The following HEYL variants were observed in gnomAD, a reference collection of about 807,000 sequenced individuals.
HEYL encodes the protein hes related family bHLH transcription factor with YRPW motif like.
HEYL carries 12 observed loss-of-function variants against 18.6 expected under a neutral mutation model. The ratio of observed to expected loss-of-function variants is 0.65; its 90% confidence interval spans 0.41 to 1.05. The LOEUF (loss-of-function observed/expected upper bound fraction) is 1.05, where lower values mean the gene tolerates loss of function less well. HEYL is among the 50% of genes least tolerant of loss of function. The pLI is 0.00. For synonymous variants in HEYL, 159 were observed against 179.6 expected, an observed-to-expected ratio of 0.89 and a Z score of 0.91; for missense variants, 420 against 444.7, an observed-to-expected ratio of 0.94 and a Z score of 0.50.
At chr1:39,630,184 ATTTG>A (rs1247053080) in intron 4 of HEYL, 39 bp downstream of exon 4, 1 of 1,560,368 alleles carries the variant, frequency 6.4e-7, no homozygotes, top group Non-Finnish European at 8.8e-7. Flanking sequence ...GCCTCAAAAT[ATTTG>A]TTGTATGAAT....
Position 39,628,637 on chromosome 1 carries a change from G to A in HEYL, c.314-1457C>T, listed in dbSNP as rs146415130. ...TTTTGAGACGGAGTCTCGCTCTGTC[G>A]CCCAGGCTAGAGTGCAGTGGTGCGA... On this transcript the variant is annotated intron_variant, in intron 4 of 4. Transcript: ENST00000372852. 2.3e-3 allele frequency among the ~76,000 whole-genome samples: 339 copies of A among 148,120 alleles called. 7 individuals are homozygous for A. In the East Asian group the frequency reaches 0.038, roughly 17 times the overall value.
chr1:39,626,883 A>G lies in HEYL; in HGVS notation c.611T>C (p.Leu204Pro). The change falls in exon 5 of 5, where the codon CTC (leucine) becomes CCC (proline). Residue 204 changes from leucine to proline, a missense_variant. Physicochemically the swap from Leu to Pro is moderately conservative, Grantham distance 98. Coordinates refer to ENST00000372852, the MANE Select transcript of HEYL (RefSeq NM_014571.4). ...AILGRVPSPVLPGVSSPAYPI... is the reference protein window; with the variant it reads ...AILGRVPSPVPPGVSSPAYPI... The stretch of plus-strand genomic sequence containing the variant: ...GTAAGCAGGAGAGGAGACACCGGGG[A>G]GGACAGGGCTGGGCACTCTTCCCAG... 5 of 1,602,412 alleles carry G rather than the reference A, an allele frequency of 3.1e-6. No individual in the cohort carries two copies. Among genetic ancestry groups the G allele is most frequent in the East Asian group, 2.2e-5 (1 of 44,478 alleles).
In HEYL at chr1:39,624,807, G is replaced by GA. The variant is rs1315189311; in HGVS notation, c.*1699dup. On this transcript the variant is annotated 3_prime_UTR_variant, in exon 5 of 5. Transcript: ENST00000372852. ...ATGGAATTAGCTCACACTAAAAAAT[G>GA]AAAGAGGTGCTTTCCTCTTTATCTC... The GA allele has an allele frequency of 4.6e-5, 7 of 152,220 alleles. No homozygotes were observed. The highest frequency in any genetic ancestry group is 8.8e-5 in the Non-Finnish European group (6 of 68,056). 9.4% of individuals were successfully genotyped at this position (152,220 alleles called of 1,614,324 possible).
chr1:39,634,256 A>G (rs1444953465), intron 1 of HEYL, among the ~76,000 whole-genome samples: 1 of 152,060 alleles, frequency 6.6e-6, no homozygotes. Context: ...CACCACGTCC[A>G]GCTAATTTTT....
chr1:39,639,329 C>T (rs1646375329), intron 1 of HEYL, among the ~76,000 whole-genome samples: 1 of 152,214 alleles, frequency 6.6e-6, no homozygotes, highest in Non-Finnish European at 1.5e-5. Flanking sequence ...CCAGCATCCC[C>T]AGCCCTGCAC....
At chr1:39,630,167 G>A in intron 4 of HEYL, 60 bp downstream of exon 4, 1 of 1,470,206 alleles carries the variant, frequency 6.8e-7, no homozygotes, top group Non-Finnish European at 9.5e-7. Context: ...CATATCCCCA[G>A]GGCCCAGCCT....
chr1:39,629,788 A>G (rs1274580638), intron 4 of HEYL, among the ~76,000 whole-genome samples: 1 of 152,228 alleles, frequency 6.6e-6, no homozygotes, highest in Non-Finnish European at 1.5e-5. Context: ...GGTGAGCATG[A>G]TATGTCACCC....
chr1:39,632,691 G>T lies in HEYL; in HGVS notation c.105C>A (p.Thr35=). 1 of 1,614,006 alleles carries T rather than the reference G, an allele frequency of 6.2e-7. No individual in the cohort carries two copies. The highest frequency in any genetic ancestry group is 8.5e-7 in the Non-Finnish European group (1 of 1,179,904). The change falls in exon 2 of 5, where the codon ACC becomes ACA. Residue 35 remains threonine, a synonymous_variant. Coordinates refer to ENST00000372852, the MANE Select transcript of HEYL (RefSeq NM_014571.4). ...QLSQMARPLS[T]PSSSQMQARK... is the part of the protein sequence containing the mutation. ...TGGCTTGCATCTGCGAAGAGCTGGG[G>T]GTGGACAGCGGCCTGGCCATCTGGC...
In HEYL at chr1:39,632,679, C is replaced by G. The variant is rs763202732; in HGVS notation, c.117G>C (p.Ser39=). The change falls in exon 2 of 5, where the codon TCG becomes TCC. Residue 39 remains serine, a synonymous_variant. Coordinates refer to ENST00000372852, the MANE Select transcript of HEYL (RefSeq NM_014571.4). ...MARPLSTPSS[S]QMQARKKHRG... ...TGTGTTTCTTCCTGGCTTGCATCTG[C>G]GAAGAGCTGGGGGTGGACAGCGGCC... is the stretch of plus-strand genomic sequence containing the variant. The G allele has an allele frequency of 3.7e-6, 6 of 1,613,930 alleles. No homozygotes were observed. The highest frequency in any genetic ancestry group is 2.2e-5 in the East Asian group (1 of 44,816).
chr1:39,630,153 C>T, intron 4 of HEYL, 74 bp downstream of exon 4: 1 of 1,332,074 alleles, frequency 7.5e-7, no homozygotes. Flanking sequence ...ACTTTGCTCA[C>T]CAGCATATCC....
At chr1:39,632,582 C>T in intron 2 of HEYL, 67 bp downstream of exon 2, 2 of 1,417,266 alleles carry the variant, frequency 1.4e-6, no homozygotes, top group Non-Finnish European at 1.9e-6. Flanking sequence ...TTCTCCCCGC[C>T]GCCAGACTGC....
chr1:39,635,421 T>C (rs1274567794), intron 1 of HEYL, among the ~76,000 whole-genome samples: 1 of 152,244 alleles, frequency 6.6e-6, no homozygotes, highest in Non-Finnish European at 1.5e-5. Context: ...GCCTGATCCC[T>C]CCGCTGGGAC....
At chr1:39,628,148 C>G (rs535918816) in intron 4 of HEYL, among the ~76,000 whole-genome samples, 2 of 152,338 alleles carry the variant, frequency 1.3e-5, no homozygotes, top group East Asian at 3.9e-4. Flanking sequence ...ATGGCCCCCA[C>G]AGAGGAACAG....
intron 1 of HEYL, among the ~76,000 whole-genome samples, chr1:39,638,231 G>A (rs1010787957): frequency 3.3e-5 from 5 of 152,208 alleles, no homozygotes; most frequent in Non-Finnish European, 7.3e-5. Context: ...TGAGACTGAG[G>A]CAGGATCCTT....
chr1:39,630,173 A>G, intron 4 of HEYL, 54 bp downstream of exon 4: 1 of 1,509,156 alleles, frequency 6.6e-7, no homozygotes, highest in South Asian at 1.1e-5. Context: ...CCCAGGGCCC[A>G]GCCTCAAAAT....
At chr1:39,630,151 C>T (rs1379130331) in intron 4 of HEYL, 76 bp downstream of exon 4, 75 of 1,300,410 alleles carry the variant, frequency 5.8e-5, no homozygotes, top group Non-Finnish European at 7.9e-5. Flanking sequence ...GGACTTTGCT[C>T]ACCAGCATAT....
rs1043268038 is a variant in HEYL at position 39,624,318 on chromosome 1, A to G, written c.*2189T>C. ...CCTTTCCTTCCACAATATCCCAGGG[A>G]CAATGAAAGCAAGTTCAACCAAGAT... On this transcript the variant is annotated 3_prime_UTR_variant, in exon 5 of 5. Transcript: ENST00000372852. 6.6e-6 allele frequency: 1 copy of G among 152,384 alleles called. No individual in the cohort carries two copies. Among genetic ancestry groups the G allele is most frequent in the African/African-American group, 2.4e-5 (1 of 41,592 alleles). 9.4% of individuals were successfully genotyped at this position (152,384 alleles called of 1,614,324 possible).
chr1:39,639,081 T>G (rs937502004), intron 1 of HEYL, among the ~76,000 whole-genome samples: 3 of 152,152 alleles, frequency 2.0e-5, no homozygotes, highest in Admixed American at 6.5e-5. Context: ...ATTTTCTTCT[T>G]CCTGAAATAA....
chr1:39,628,660 C>T (rs1014029686), intron 4 of HEYL, among the ~76,000 whole-genome samples: 15 of 152,012 alleles, frequency 9.9e-5, no homozygotes, highest in African/African-American at 3.4e-4. Flanking sequence ...TGCAGTGGTG[C>T]GATCTCGACT....
Sources: gnomAD v4.1 joint callset for allele counts (sites outside exome capture counted in the v4.1 genomes callset) on GRCh38, gnomAD v4.1.1 for gene constraint, MANE v1.5 for transcripts, NCBI Gene and HGNC (gene_info 2026-07-23, HGNC 2026-07-21) for gene names.